The following IP6K1 variants were observed in gnomAD, a reference collection of about 807,000 sequenced individuals.
The protein encoded by IP6K1 is inositol hexakisphosphate kinase 1.
Under a neutral mutation model 38.3 loss-of-function variants are expected in IP6K1, and 13 were observed. That is an observed-to-expected ratio of 0.34 (90% confidence interval 0.22 to 0.54). IP6K1 has a LOEUF of 0.54. Among genes scored for constraint, IP6K1 ranks in the 20% least tolerant of loss-of-function variants. The probability of loss-of-function intolerance (pLI) is 0.92; values close to 1 mark genes in which losing one functional copy is unlikely to be tolerated. For missense variants in IP6K1, 397 were observed against 599.8 expected (o/e 0.66, Z 3.53); for synonymous variants, 212 against 229.9 (o/e 0.92, Z 0.70).
rs182614898 is a variant in IP6K1 at position 49,728,914 on chromosome 3, C to T, written c.617-636G>A. Among the ~76,000 whole-genome samples the T allele has an allele frequency of 2.0e-4, 30 of 151,540 alleles. No homozygotes were observed. In the East Asian group the frequency reaches 4.7e-3, roughly 24 times the overall value. ...TTCCCAAAATGAAAAGAGATCCTCT[C>T]ACCCTCAGCCTCTGGAACAACTAGG... On this transcript the variant is annotated intron_variant, in intron 4 of 5. Transcript: ENST00000321599.
At chr3:49,772,256 T>A (rs904747046) in intron 1 of IP6K1, among the ~76,000 whole-genome samples, 1 of 147,754 alleles carries the variant, frequency 6.8e-6, no homozygotes, top group Non-Finnish European at 1.5e-5. Context: ...TGTGTGTGTG[T>A]AACACATATA....
At chr3:49,751,381 CA>C (rs953377800) in intron 1 of IP6K1, among the ~76,000 whole-genome samples, 1 of 152,012 alleles carries the variant, frequency 6.6e-6, no homozygotes, top group Admixed American at 6.6e-5. Context: ...AAGATGGTCT[CA>C]ATCTCTTGAC....
At chr3:49,765,046 A>C (rs994600583) in intron 1 of IP6K1, among the ~76,000 whole-genome samples, 26 of 152,310 alleles carry the variant, frequency 1.7e-4, no homozygotes, top group African/African-American at 6.0e-4. Context: ...AAAAGATCCT[A>C]AACGAGATTA....
rs569766353 is a variant in IP6K1, at chr3:49,749,758, ACTG to A, written c.-128-1593_-128-1591del. Among the ~76,000 whole-genome samples the A allele has an allele frequency of 5.9e-5, 9 of 152,222 alleles. No individual in the cohort carries two copies. In the South Asian group the frequency reaches 1.7e-3, roughly 28 times the overall value. On this transcript the variant is annotated intron_variant, in intron 1 of 5. Transcript: ENST00000321599. ...CAGGCAGCTAGCTATGTTTTATTTC[ACTG>A]CTATCACCAAAATCAATTATTCTGT... is the stretch of plus-strand genomic sequence containing the variant.
At chr3:49,768,412 T>C (rs1397123133) in intron 1 of IP6K1, among the ~76,000 whole-genome samples, 2 of 152,194 alleles carry the variant, frequency 1.3e-5, no homozygotes, top group African/African-American at 2.4e-5. Flanking sequence ...TGAAAACATT[T>C]TGCTAAGTGA....
intron 3 of IP6K1, among the ~76,000 whole-genome samples, chr3:49,736,966 G>A (rs1385307244): frequency 1.3e-5 from 2 of 151,138 alleles, no homozygotes; most frequent in Non-Finnish European, 2.9e-5. Context: ...TAGAGACAGG[G>A]TTTCACCGTG....
At chr3:49,774,418 A>G (rs2080988254) in intron 1 of IP6K1, among the ~76,000 whole-genome samples, 1 of 150,602 alleles carries the variant, frequency 6.6e-6, no homozygotes, top group Non-Finnish European at 1.5e-5. Flanking sequence ...AAAAAAAAAA[A>G]AAAAAAAAAA....
intron 4 of IP6K1, among the ~76,000 whole-genome samples, chr3:49,731,939 T>C (rs980574202): frequency 3.4e-5 from 5 of 145,966 alleles, no homozygotes; most frequent in African/African-American, 1.2e-4. Context: ...TTTTATCTTT[T>C]CTGGAGATGA....
intron 1 of IP6K1, among the ~76,000 whole-genome samples, chr3:49,762,764 C>T (rs2080877869): frequency 2.8e-5 from 4 of 140,548 alleles, no homozygotes; most frequent in Non-Finnish European, 3.1e-5. Flanking sequence ...ACTTGTTTTA[C>T]GAGGTCAATT....
At chr3:49,780,508 G>A (rs764857806) in intron 1 of IP6K1, among the ~76,000 whole-genome samples, 2 of 152,120 alleles carry the variant, frequency 1.3e-5, no homozygotes, top group Non-Finnish European at 2.9e-5. Context: ...TGTACTGTGC[G>A]TCTTTCCCCA....
rs570933116 is a variant in IP6K1 at position 49,742,974 on chromosome 3, T to A, written c.224-4552A>T. On this transcript the variant is annotated intron_variant, in intron 2 of 5. Coordinates refer to ENST00000321599, the MANE Select transcript of IP6K1 (RefSeq NM_153273.4). ...CCAGCCACGGTGGCTCATACCTGTA[T>A]CCAGGCACTTTGGGAGGCCAAGGCA... Among the ~76,000 whole-genome samples the A allele has an allele frequency of 4.1e-4, 62 of 152,170 alleles. No homozygotes were observed. The South Asian group carries it at 7.1e-3, about 17-fold the overall frequency.
chr3:49,784,925 C>T (rs975795684), intron 1 of IP6K1, among the ~76,000 whole-genome samples: 6 of 152,060 alleles, frequency 3.9e-5, no homozygotes, highest in South Asian at 4.2e-4. Flanking sequence ...AGCCTGGCAA[C>T]GGAGCAAGAC....
At chr3:49,785,272 C>A (rs2108268860) in intron 1 of IP6K1, among the ~76,000 whole-genome samples, 1 of 136,104 alleles carries the variant, frequency 7.3e-6, no homozygotes, top group Non-Finnish European at 1.6e-5. Flanking sequence ...CTTTGGGAGG[C>A]CAAGGGGGGT....
intron 3 of IP6K1, 78 bp downstream of exon 3, chr3:49,738,134 C>G: frequency 8.3e-7 from 1 of 1,208,020 alleles, no homozygotes; most frequent in Non-Finnish European, 1.2e-6. Flanking sequence ...ACTGTGAGCC[C>G]TGCTTCCCCA....
At chr3:49,742,345 T>G (rs796506768) in intron 2 of IP6K1, among the ~76,000 whole-genome samples, 2 of 151,888 alleles carry the variant, frequency 1.3e-5, no homozygotes, top group Non-Finnish European at 2.9e-5. Context: ...GTCAGGAGAT[T>G]GAGACCATCC....
chr3:49,744,401 C>CAA lies in IP6K1; in HGVS notation c.223+3415_223+3416dup, dbSNP rs56916226. ...TGGACAACAGAGCGAGACTCCGTCTCAAAAAAAAAAAAAAAAAAAAAAAAA... is the reference window on the plus strand; with the variant it reads ...TGGACAACAGAGCGAGACTCCGTCTCAAAAAAAAAAAAAAAAAAAAAAAAAAA... On this transcript the variant is annotated intron_variant, in intron 2 of 5. Transcript: ENST00000321599. 1.7e-3 allele frequency among the ~76,000 whole-genome samples: 127 copies of CAA among 76,204 alleles called. 5 individuals are homozygous for CAA. The highest frequency in any genetic ancestry group is 2.3e-3 in the Non-Finnish European group (100 of 44,356). The allele number at this position is 76,204 out of a possible 152,430, so 50.0% of individuals were successfully genotyped here.
At chr3:49,739,490 A>AC (rs2080645657) in intron 2 of IP6K1, among the ~76,000 whole-genome samples, 1 of 151,108 alleles carries the variant, frequency 6.6e-6, no homozygotes, top group East Asian at 2.0e-4. Flanking sequence ...AGTAGCTGGG[A>AC]CTACAGGCAC....
chr3:49,766,302 A>AG (rs2080910836), intron 1 of IP6K1, among the ~76,000 whole-genome samples: 4 of 151,908 alleles, frequency 2.6e-5, no homozygotes, highest in Non-Finnish European at 5.9e-5. Context: ...CCAAGAGATC[A>AG]AGTCTGCAGT....
chr3:49,780,919 G>A (rs1288198716), intron 1 of IP6K1, among the ~76,000 whole-genome samples: 1 of 152,090 alleles, frequency 6.6e-6, no homozygotes, highest in Non-Finnish European at 1.5e-5. Context: ...ATTACAAAAG[G>A]TGTTTCCAAC....
Sources: gnomAD v4.1 joint callset for allele counts (sites outside exome capture counted in the v4.1 genomes callset) on GRCh38, gnomAD v4.1.1 for gene constraint, MANE v1.5 for transcripts, NCBI Gene and HGNC (gene_info 2026-07-23, HGNC 2026-07-21) for gene names.